Variants in ARFGEF1 observed in about 807,000 individuals in gnomAD.
The protein encoded by ARFGEF1 is ARF guanine nucleotide exchange factor 1.
Under a neutral mutation model 231.0 loss-of-function variants are expected in ARFGEF1, and 42 were observed. The ratio of observed to expected loss-of-function variants is 0.18; its 90% confidence interval spans 0.14 to 0.24. The LOEUF (loss-of-function observed/expected upper bound fraction) is 0.24. Ranked by LOEUF, ARFGEF1 falls within the 10% of genes least tolerant of loss-of-function variation. The pLI, the probability that ARFGEF1 is intolerant of heterozygous loss-of-function variation, is 1.00. For synonymous variants in ARFGEF1, 710 were observed against 732.3 expected, an observed-to-expected ratio of 0.97 and a Z score of 0.49; for missense variants, 1,345 against 2,192.0, an observed-to-expected ratio of 0.61 and a Z score of 7.72.
At chr8:67,238,985 GATTTT>G in intron 20 of ARFGEF1, 92 bp from the exon 21 acceptor site, 1 of 883,362 alleles carries the variant, frequency 1.1e-6, no homozygotes. Context: ...TGTTCAGTAA[GATTTT>G]GTTTTTTTTT....
intron 1 of ARFGEF1, among the ~76,000 whole-genome samples, chr8:67,341,495 G>T (rs937215380): frequency 3.3e-5 from 5 of 151,860 alleles, no homozygotes; most frequent in African/African-American, 1.2e-4. Flanking sequence ...TACTTGGGAG[G>T]CTGAGGCAGG....
chr8:67,235,925 C>T (rs772925649), intron 22 of ARFGEF1, among the ~76,000 whole-genome samples: 2 of 151,816 alleles, frequency 1.3e-5, no homozygotes, highest in Non-Finnish European at 2.9e-5. Context: ...TTCTATCAGT[C>T]AGAAAGTATG....
chr8:67,322,772 C>T (rs1042319775), intron 1 of ARFGEF1, among the ~76,000 whole-genome samples: 2 of 152,176 alleles, frequency 1.3e-5, no homozygotes, highest in South Asian at 2.1e-4. Flanking sequence ...AAGATAATTA[C>T]ACTTCTCTAT....
At chr8:67,204,656 G>T in intron 35 of ARFGEF1, 24 bp downstream of exon 35, 1 of 1,594,176 alleles carries the variant, frequency 6.3e-7, no homozygotes, top group Non-Finnish European at 8.6e-7. Context: ...CACAAAAAAA[G>T]CAGCTGTCCT....
At chr8:67,252,613 C>T (rs1050241986) in intron 18 of ARFGEF1, among the ~76,000 whole-genome samples, 1 of 152,156 alleles carries the variant, frequency 6.6e-6, no homozygotes, top group African/African-American at 2.4e-5. Context: ...AATCCTCTTT[C>T]TATATTACTG....
intron 1 of ARFGEF1, 145 bp from the exon 2 acceptor site, chr8:67,302,611 T>C: frequency 2.0e-6 from 1 of 506,100 alleles, no homozygotes; most frequent in Non-Finnish European, 3.4e-6. Flanking sequence ...GCTAAAATTG[T>C]TTCATCTAAA....
chr8:67,294,715 A>C (rs1806155654), intron 5 of ARFGEF1, among the ~76,000 whole-genome samples: 3 of 152,182 alleles, frequency 2.0e-5, no homozygotes. Context: ...TTACCTACAT[A>C]TGGAAAGTCA....
chr8:67,317,615 A>AC, intron 1 of ARFGEF1, among the ~76,000 whole-genome samples: 1 of 151,720 alleles, frequency 6.6e-6, no homozygotes, highest in East Asian at 1.9e-4. Flanking sequence ...TATTTAAAAA[A>AC]AAAAAAAAAA....
intron 29 of ARFGEF1, among the ~76,000 whole-genome samples, chr8:67,222,192 T>TACACAC (rs1371435004): frequency 2.2e-5 from 3 of 139,238 alleles, no homozygotes; most frequent in African/African-American, 8.4e-5. Context: ...CATATATATA[T>TACACAC]ATATATATAT....
At position 67,342,171 on chromosome 8, in the gene ARFGEF1, A is replaced by C. The variant is rs947114986; in HGVS notation, c.124+993T>G. Reference sequence around the variant, plus strand: ...ACCTAGTGTATTTCCAGTGCTATAAAGTGTAAACATTAGGAATGTATCTTT... The same window carrying C: ...ACCTAGTGTATTTCCAGTGCTATAACGTGTAAACATTAGGAATGTATCTTT... On this transcript the variant is annotated intron_variant, in intron 1 of 38. Transcript: ENST00000262215. Among the ~76,000 whole-genome samples, 10 of 152,192 alleles carry C rather than the reference A, an allele frequency of 6.6e-5. No homozygotes were observed. The East Asian group carries it at 1.9e-3, about 29-fold the overall frequency.
intron 17 of ARFGEF1, among the ~76,000 whole-genome samples, chr8:67,254,000 T>C (rs1187803444): frequency 6.6e-6 from 1 of 152,190 alleles, no homozygotes; most frequent in Non-Finnish European, 1.5e-5. Context: ...TAGAAGAACA[T>C]AAATGTGCTG....
chr8:67,253,378 A>T, intron 18 of ARFGEF1, 73 bp downstream of exon 18: 1 of 1,126,356 alleles, frequency 8.9e-7, no homozygotes, highest in Non-Finnish European at 1.2e-6. Context: ...ACACCTGACC[A>T]TAAGTGAAAA....
At chr8:67,238,600 T>C (rs1839838993) in intron 21 of ARFGEF1, 107 bp from the exon 22 acceptor site, 1 of 1,416,874 alleles carries the variant, frequency 7.1e-7, no homozygotes, top group East Asian at 2.4e-5. Flanking sequence ...CTATAGATTA[T>C]TTTAAAAAGC....
intron 5 of ARFGEF1, among the ~76,000 whole-genome samples, chr8:67,182,269 A>C (rs1273332330): frequency 8.6e-5 from 13 of 151,964 alleles, no homozygotes; most frequent in Admixed American, 8.5e-4. Flanking sequence ...CAAAGTGCCA[A>C]AGTGCTGAGA....
intron 5 of ARFGEF1, among the ~76,000 whole-genome samples, chr8:67,176,873 C>T (rs1831781854): frequency 6.6e-6 from 1 of 151,936 alleles, no homozygotes; most frequent in Admixed American, 6.6e-5. Context: ...AGTTCAAGAC[C>T]AGTCTGGCCA....
chr8:67,243,406 G>A (rs1306478092), intron 19 of ARFGEF1, among the ~76,000 whole-genome samples: 6 of 152,286 alleles, frequency 3.9e-5, no homozygotes, highest in East Asian at 1.9e-4. Context: ...CAGCAGGCAA[G>A]AGAGAGCTTG....
chr8:67,186,335 G>A (rs1469266435), intron 5 of ARFGEF1, among the ~76,000 whole-genome samples: 1 of 151,552 alleles, frequency 6.6e-6, no homozygotes, highest in Non-Finnish European at 1.5e-5. Flanking sequence ...TGTTATGATA[G>A]GCCATAGTAG....
intron 2 of ARFGEF1, among the ~76,000 whole-genome samples, chr8:67,301,605 T>C (rs142171076): frequency 6.6e-6 from 1 of 152,314 alleles, no homozygotes; most frequent in African/African-American, 2.4e-5. Flanking sequence ...GCTGAAATCT[T>C]GTCTGCAAAA....
chr8:67,288,958 A>AC (rs887546988), intron 6 of ARFGEF1, among the ~76,000 whole-genome samples: 6 of 151,784 alleles, frequency 4.0e-5, no homozygotes, highest in African/African-American at 1.2e-4. Context: ...AACAAAAAAA[A>AC]CAAAAAAAAA....
Sources: allele counts gnomAD v4.1 joint callset (sites outside exome capture counted in the v4.1 genomes callset), GRCh38; gene constraint gnomAD v4.1.1; transcripts MANE v1.5; gene names NCBI Gene and HGNC (gene_info 2026-07-23, HGNC 2026-07-21).